ARL15: variants seen among roughly 807,000 people sequenced by gnomAD.
ARL15 encodes ARF like GTPase 15, also known as ADP-ribosylation factor-like protein 15.
In ARL15, 19 loss-of-function variants were observed where a neutral mutation model predicts 25.2. That is an observed-to-expected ratio of 0.75 (90% CI 0.53 to 1.10). The LOEUF (loss-of-function observed/expected upper bound fraction) is 1.10. Among genes scored for constraint, ARL15 ranks in the 50% least tolerant of loss-of-function variants. The pLI, the probability that ARL15 is intolerant of heterozygous loss-of-function variation, is 0.00. For synonymous variants in ARL15, 94 were observed against 86.8 expected (o/e 1.08, Z -0.46); for missense variants, 220 against 246.0 (o/e 0.89, Z 0.71).
At chr5:54,260,709 T>A (rs2112621301) in intron 1 of ARL15, among the ~76,000 whole-genome samples, 1 of 152,334 alleles carries the variant, frequency 6.6e-6, no homozygotes, top group South Asian at 2.1e-4. Context: ...AGGATGAAAC[T>A]CTCTGACAAT....
intron 1 of ARL15, among the ~76,000 whole-genome samples, chr5:54,263,601 G>A (rs994491076): frequency 9.2e-5 from 14 of 152,070 alleles, no homozygotes; most frequent in Non-Finnish European, 7.4e-5. Context: ...GCCATCTAAT[G>A]AACCAATGAG....
intron 4 of ARL15, among the ~76,000 whole-genome samples, chr5:54,027,104 G>A (rs894635196): frequency 2.0e-5 from 3 of 152,188 alleles, no homozygotes; most frequent in Admixed American, 2.0e-4. Flanking sequence ...GAGTGGGTTT[G>A]TGGTGTTTCT....
intron 4 of ARL15, among the ~76,000 whole-genome samples, chr5:53,905,905 C>G (rs1384484080): frequency 1.3e-5 from 2 of 152,182 alleles, no homozygotes; most frequent in Non-Finnish European, 2.9e-5. Context: ...GATACCCTGT[C>G]ACATTTAGCA....
At chr5:54,041,734 T>C (rs1014073558) in intron 4 of ARL15, among the ~76,000 whole-genome samples, 1 of 152,240 alleles carries the variant, frequency 6.6e-6, no homozygotes, top group Non-Finnish European at 1.5e-5. Context: ...CATTTCATAG[T>C]TGGAATTGAA....
intron 4 of ARL15, among the ~76,000 whole-genome samples, chr5:53,949,737 T>C (rs1189600929): frequency 6.6e-6 from 1 of 152,192 alleles, no homozygotes; most frequent in Admixed American, 6.5e-5. Context: ...AGGGAACATA[T>C]ATTCTGACAG....
intron 2 of ARL15, among the ~76,000 whole-genome samples, chr5:54,155,350 A>G (rs1176819721): frequency 6.6e-6 from 1 of 152,216 alleles, no homozygotes; most frequent in African/African-American, 2.4e-5. Context: ...TTAATGTCTT[A>G]TAATTCTTTC....
At chr5:54,059,694 G>C (rs1751004240) in intron 4 of ARL15, among the ~76,000 whole-genome samples, 1 of 152,196 alleles carries the variant, frequency 6.6e-6, no homozygotes, top group Non-Finnish European at 1.5e-5. Context: ...TTGCTTGATA[G>C]TAATGTACAA....
chr5:54,118,877 A>G (rs1359914813), intron 3 of ARL15, among the ~76,000 whole-genome samples: 1 of 152,186 alleles, frequency 6.6e-6, no homozygotes, highest in African/African-American at 2.4e-5. Context: ...TACATTTTAT[A>G]AAACAAAGTT....
At chr5:54,271,149 T>C (rs572763741) in intron 1 of ARL15, among the ~76,000 whole-genome samples, 2 of 152,290 alleles carry the variant, frequency 1.3e-5, no homozygotes, top group Middle Eastern at 3.4e-3. Flanking sequence ...CTTGGGGACT[T>C]GAACTGAGCC....
At chr5:54,161,325 C>G (rs554128767) in intron 2 of ARL15, among the ~76,000 whole-genome samples, 1 of 152,140 alleles carries the variant, frequency 6.6e-6, no homozygotes, top group South Asian at 2.1e-4. Context: ...ATTTTCATAA[C>G]TTTTGATTTA....
intron 4 of ARL15, among the ~76,000 whole-genome samples, chr5:54,089,464 A>G (rs1212626472): frequency 6.6e-6 from 1 of 152,242 alleles, no homozygotes; most frequent in Non-Finnish European, 1.5e-5. Context: ...AGCATTTGAT[A>G]AACTTCCTCA....
chr5:54,218,515 A>T (rs1324032423), intron 1 of ARL15, among the ~76,000 whole-genome samples: 1 of 152,198 alleles, frequency 6.6e-6, no homozygotes, highest in Non-Finnish European at 1.5e-5. Context: ...TGTGTATGTC[A>T]ATCATAAAGC....
chr5:54,114,743 C>A (rs1752850552), intron 3 of ARL15, among the ~76,000 whole-genome samples: 1 of 152,152 alleles, frequency 6.6e-6, no homozygotes, highest in Non-Finnish European at 1.5e-5. Context: ...AAGGCATAGG[C>A]ACTTCCCATT....
At chr5:54,078,469 G>A (rs750735088) in intron 4 of ARL15, among the ~76,000 whole-genome samples, 14 of 152,092 alleles carry the variant, frequency 9.2e-5, no homozygotes, top group Non-Finnish European at 2.9e-5. Flanking sequence ...TAACTCCTTC[G>A]GGGTAAATTT....
chr5:54,102,232 A>T (rs975628956), intron 4 of ARL15, among the ~76,000 whole-genome samples: 1 of 151,970 alleles, frequency 6.6e-6, no homozygotes, highest in Non-Finnish European at 1.5e-5. Flanking sequence ...GGCTTGTCTC[A>T]AACTCCTGGC....
chr5:54,217,141 T>C (rs1047190950), intron 1 of ARL15, among the ~76,000 whole-genome samples: 7 of 151,752 alleles, frequency 4.6e-5, no homozygotes, highest in African/African-American at 1.7e-4. Flanking sequence ...TCCCAAAGTA[T>C]TTTGTAAAAC....
rs954227744 is a variant in ARL15, at chr5:53,892,614, T to G, written c.463-5901A>C. 3.9e-5 allele frequency among the ~76,000 whole-genome samples: 6 copies of G among 151,914 alleles called. No homozygotes were observed. The East Asian group carries it at 1.2e-3, about 29-fold the overall frequency. On this transcript the variant is annotated intron_variant, in intron 4 of 4. Transcript: ENST00000504924. ...TTATTACTGTTACTTTTTTTTTTTTTTTTAAAGAAATAGGCCCTAGCTCTG... is the reference window on the plus strand; with the variant it reads ...TTATTACTGTTACTTTTTTTTTTTTGTTTAAAGAAATAGGCCCTAGCTCTG...
At chr5:53,961,483 G>C (rs1428704709) in intron 4 of ARL15, among the ~76,000 whole-genome samples, 1 of 113,368 alleles carries the variant, frequency 8.8e-6, no homozygotes, top group Admixed American at 1.1e-4. Flanking sequence ...GGGTGACAGA[G>C]AGACTCTGTC....
intron 4 of ARL15, among the ~76,000 whole-genome samples, chr5:54,067,935 A>AC (rs2112056869): frequency 6.6e-6 from 1 of 152,262 alleles, no homozygotes; most frequent in Non-Finnish European, 1.5e-5. Flanking sequence ...TGTCACACAC[A>AC]CCACCTTTAT....
Sources: allele counts gnomAD v4.1 joint callset (sites outside exome capture counted in the v4.1 genomes callset), GRCh38; gene constraint gnomAD v4.1.1; transcripts MANE v1.5; gene names NCBI Gene and HGNC (gene_info 2026-07-23, HGNC 2026-07-21).